SP140L: variants seen among roughly 807,000 people sequenced by gnomAD.
The protein encoded by SP140L is SP140 like nuclear body protein.
A neutral mutation model predicts 84.3 loss-of-function variants in SP140L; 64 were observed. That is an observed-to-expected ratio of 0.76 (90% CI 0.62 to 0.94). The LOEUF (loss-of-function observed/expected upper bound fraction) is 0.94. Ranked by LOEUF, SP140L falls within the 40% of genes least tolerant of loss-of-function variation. The pLI, the probability that SP140L is intolerant of heterozygous loss-of-function variation, is 0.00. For missense variants in SP140L, 628 were observed against 692.5 expected, an observed-to-expected ratio of 0.91 and a Z score of 1.05; for synonymous variants, 242 against 236.9, an observed-to-expected ratio of 1.02 and a Z score of -0.20.
At position 230,392,243 on chromosome 2, in the gene SP140L, A is replaced by C. The variant is rs1434383671; in HGVS notation, c.1107+14A>C. 1 of 1,613,322 alleles carries C rather than the reference A, an allele frequency of 6.2e-7. No homozygotes were observed. Among genetic ancestry groups the C allele is most frequent in the African/African-American group, 1.3e-5 (1 of 74,894 alleles). ...CGGCTGATGGAGGTATTCCAATGAC[A>C]AGAGGCCAGACCTGTGCCCATTCTT... On this transcript the variant is annotated intron_variant, in intron 12 of 18. Transcript: ENST00000415673.
At chr2:230,342,417 A>G (rs935188990) in intron 2 of SP140L, among the ~76,000 whole-genome samples, 4 of 152,262 alleles carry the variant, frequency 2.6e-5, no homozygotes, top group East Asian at 3.8e-4. Context: ...AGATGAACCC[A>G]GTACCTCAGA....
intron 3 of SP140L, 24 bp downstream of exon 3, chr2:230,357,991 C>A: frequency 2.5e-6 from 4 of 1,610,446 alleles, no homozygotes; most frequent in Non-Finnish European, 1.7e-6. Flanking sequence ...ATTTCACAAC[C>A]TGGCAGATAT....
intron 5 of SP140L, among the ~76,000 whole-genome samples, chr2:230,365,273 C>G (rs769471242): frequency 1.3e-5 from 2 of 152,088 alleles, no homozygotes; most frequent in Non-Finnish European, 2.9e-5. Context: ...GTGAAACCAT[C>G]TGGTCCTGGG....
intron 18 of SP140L, 81 bp from the exon 19 acceptor site, chr2:230,402,717 T>C: frequency 9.3e-7 from 1 of 1,073,986 alleles, no homozygotes; most frequent in South Asian, 1.4e-5. Flanking sequence ...AAGACAAGAG[T>C]CCTGATCATT....
Position 230,389,911 on chromosome 2 carries a change from T to C in SP140L, c.860-8T>C. The C allele has an allele frequency of 6.2e-7, 1 of 1,613,294 alleles. No homozygotes were observed. Among genetic ancestry groups the C allele is most frequent in the Middle Eastern group, 1.7e-4 (1 of 5,932 alleles). On this transcript the variant is annotated splice_region_variant and splice_polypyrimidine_tract_variant and intron_variant, in intron 10 of 18. Coordinates refer to ENST00000415673, the MANE Select transcript of SP140L (RefSeq NM_138402.6). ...AGTGAGACAGAATGAAGAAATCCTCTCTTTCAGCTTCAAGAAAGCACAAAG... is the reference window on the plus strand; with the variant it reads ...AGTGAGACAGAATGAAGAAATCCTCCCTTTCAGCTTCAAGAAAGCACAAAG...
intron 5 of SP140L, among the ~76,000 whole-genome samples, 170 bp downstream of exon 5, chr2:230,361,867 C>T (rs1468748911): frequency 1.3e-5 from 2 of 152,090 alleles, no homozygotes; most frequent in African/African-American, 2.4e-5. Context: ...ATGCAGGGTC[C>T]TGGAGAAGTG....
chr2:230,366,046 C>A (rs2060859748), intron 5 of SP140L, among the ~76,000 whole-genome samples: 1 of 152,064 alleles, frequency 6.6e-6, no homozygotes, highest in Non-Finnish European at 1.5e-5. Context: ...TATGATTTAT[C>A]TTGGAGAATG....
chr2:230,338,808 G>A (rs901226703), intron 2 of SP140L, among the ~76,000 whole-genome samples: 8 of 142,980 alleles, frequency 5.6e-5, no homozygotes, highest in Admixed American at 5.6e-4. Flanking sequence ...TTATTGATTT[G>A]CGTATATTAA....
intron 7 of SP140L, among the ~76,000 whole-genome samples, chr2:230,381,056 C>CAG (rs2061387710): frequency 6.6e-6 from 1 of 152,038 alleles, no homozygotes; most frequent in Non-Finnish European, 1.5e-5. Flanking sequence ...AAGGATGGTG[C>CAG]AGAGGAAGCC....
intron 7 of SP140L, among the ~76,000 whole-genome samples, chr2:230,374,716 C>T (rs1291696039): frequency 2.0e-5 from 3 of 152,146 alleles, no homozygotes; most frequent in South Asian, 2.1e-4. Flanking sequence ...GACCCTTTAC[C>T]AGCAAAGAAA....
In SP140L at chr2:230,367,685, T is replaced by C. The variant is rs370966181; in HGVS notation, c.524-3223T>C. Among the ~76,000 whole-genome samples the C allele has an allele frequency of 3.9e-5, 6 of 152,360 alleles. No individual in the cohort carries two copies. In the East Asian group the frequency reaches 7.7e-4, roughly 20 times the overall value. On this transcript the variant is annotated intron_variant, in intron 5 of 18. Transcript: ENST00000415673. ...TAGCTAGGCTGGGTGCGGTGGCTCA[T>C]GACTGTAATCCCAGCACTTTGGGAG...
rs375628143 is a variant in SP140L at position 230,370,924 on chromosome 2, C to T, written c.540C>T (p.Ser180=). ...GTTTCTCAGGAGAAGTGCCAGAAAGCCCGGAAGCAAGGAAGGAAAGTGACC... is the reference window on the plus strand; with the variant it reads ...GTTTCTCAGGAGAAGTGCCAGAAAGTCCGGAAGCAAGGAAGGAAAGTGACC... The part of the protein sequence containing the change: ...LSLKQGEVPE[S]PEARKESDQA... The change falls in exon 6 of 19, where the codon AGC becomes AGT. Residue 180 remains serine (S), a synonymous_variant. Transcript: ENST00000415673. 14 of 1,613,426 alleles carry T rather than the reference C, an allele frequency of 8.7e-6. No individual in the cohort carries two copies. In the African/African-American group the frequency reaches 1.6e-4, roughly 18 times the overall value.
intron 7 of SP140L, among the ~76,000 whole-genome samples, chr2:230,376,076 TG>T (rs2149778609): frequency 6.6e-6 from 1 of 152,286 alleles, no homozygotes; most frequent in South Asian, 2.1e-4. Context: ...TGGAGTTAAT[TG>T]TTGTATATGA....
rs186451087 is a variant in SP140L at position 230,394,387 on chromosome 2, A to G, written c.1155+926A>G. On this transcript the variant is annotated intron_variant, in intron 13 of 18. Transcript: ENST00000415673. ...TTCAAGACATTCACAGACTTCTAAA[A>G]CAGCTCACACATAGCTAGCCACTAA... 2.6e-5 allele frequency among the ~76,000 whole-genome samples: 4 copies of G among 152,314 alleles called. No individual in the cohort carries two copies. In the East Asian group the frequency reaches 7.7e-4, roughly 29 times the overall value.
intron 7 of SP140L, among the ~76,000 whole-genome samples, chr2:230,373,780 G>C (rs1218312038): frequency 6.6e-6 from 1 of 152,200 alleles, no homozygotes; most frequent in African/African-American, 2.4e-5. Context: ...TAATGCTATA[G>C]CTGTCTTTAT....
intron 13 of SP140L, among the ~76,000 whole-genome samples, chr2:230,395,588 G>GA (rs991287503): frequency 1.2e-4 from 18 of 151,108 alleles, no homozygotes; most frequent in South Asian, 4.2e-4. Flanking sequence ...TCAAAAAAAA[G>GA]AAAAAAAAAT....
chr2:230,386,894 G>A (rs1487183141), intron 9 of SP140L, among the ~76,000 whole-genome samples: 1 of 152,208 alleles, frequency 6.6e-6, no homozygotes, highest in Non-Finnish European at 1.5e-5. Context: ...AAGCCTGGCT[G>A]GAATATAGGA....
chr2:230,361,509 C>T, intron 4 of SP140L, 105 bp from the exon 5 acceptor site: 3 of 678,976 alleles, frequency 4.4e-6, no homozygotes. Flanking sequence ...TTAAGTCTGA[C>T]TTCTGAGTCA....
At chr2:230,343,751 G>A (rs2060131006) in intron 2 of SP140L, among the ~76,000 whole-genome samples, 1 of 152,046 alleles carries the variant, frequency 6.6e-6, no homozygotes, top group African/African-American at 2.4e-5. Flanking sequence ...ATTGTTTTTT[G>A]ACTTTTTAAT....
Sources: allele counts gnomAD v4.1 joint callset (sites outside exome capture counted in the v4.1 genomes callset), GRCh38; gene constraint gnomAD v4.1.1; transcripts MANE v1.5; gene names NCBI Gene and HGNC (gene_info 2026-07-23, HGNC 2026-07-21).